FAM107A: variants seen among roughly 807,000 people sequenced by gnomAD.
FAM107A encodes the protein actin-associated protein FAM107A.
A neutral mutation model predicts 13.7 loss-of-function variants in FAM107A; 19 were observed. The observed-to-expected ratio is 1.38, with a 90% CI of 0.97 to 2.03. The LOEUF (loss-of-function observed/expected upper bound fraction) is 2.03. Among genes scored for constraint, FAM107A ranks in the 30% most tolerant of loss-of-function variants. The pLI is 0.00. For synonymous variants in FAM107A, 82 were observed against 74.5 expected, an observed-to-expected ratio of 1.10 and a Z score of -0.52; for missense variants, 203 against 184.4, an observed-to-expected ratio of 1.10 and a Z score of -0.58.
At chr3:58,580,223 T>G (rs1056450355), upstream of FAM107A, among the ~76,000 whole-genome samples, 1 of 151,356 alleles carries the variant, frequency 6.6e-6, no homozygotes, top group Non-Finnish European at 1.5e-5. Flanking sequence ...TAGGATCTCT[T>G]TTTTTTTTCA....
chr3:58,624,616 C>T (rs1292315607), intron 1 of FAM107A, among the ~76,000 whole-genome samples: 2 of 152,214 alleles, frequency 1.3e-5, no homozygotes, highest in South Asian at 4.1e-4. Flanking sequence ...CTCTGGTTGG[C>T]CTTAACCAAC....
chr3:58,602,268 A>G (rs1206823508), intron 1 of FAM107A, among the ~76,000 whole-genome samples: 1 of 152,182 alleles, frequency 6.6e-6, no homozygotes, highest in Non-Finnish European at 1.5e-5. Context: ...ACAATGGGGT[A>G]TTATCTTTCA....
At chr3:58,606,829 AC>A (rs1168066478) in intron 1 of FAM107A, among the ~76,000 whole-genome samples, 1 of 151,932 alleles carries the variant, frequency 6.6e-6, no homozygotes, top group Non-Finnish European at 1.5e-5. Flanking sequence ...CACCCCCAAT[AC>A]CTATTTCTCC....
intron 1 of FAM107A, among the ~76,000 whole-genome samples, chr3:58,583,929 C>G (rs1041526478): frequency 6.6e-5 from 10 of 152,130 alleles, no homozygotes; most frequent in African/African-American, 2.4e-4. Flanking sequence ...GCATGAGTCA[C>G]CCAGTGTTAT....
rs181082932 is a variant in FAM107A at position 58,566,332 on chromosome 3, T to A, written c.*256A>T. The A allele has an allele frequency of 4.2e-5, 20 of 474,412 alleles. No individual in the cohort carries two copies. In the East Asian group the frequency reaches 5.1e-4, roughly 12 times the overall value. The allele number at this position is 474,412 out of a possible 1,614,324, so 29.4% of individuals were successfully genotyped here. ...CAGAGAAAGCTCCTGTGCTGGGCTC[T>A]GAACCCCTTGCAGGGAGGGGTGCAG... On this transcript the variant is annotated 3_prime_UTR_variant, in exon 4 of 4. Transcript: ENST00000360997.
chr3:58,620,442 T>C (rs575570760), intron 1 of FAM107A, among the ~76,000 whole-genome samples: 110 of 152,302 alleles, frequency 7.2e-4, no homozygotes, highest in Non-Finnish European at 1.2e-3. Flanking sequence ...CCTCACCCCA[T>C]ATAGATATTT....
At chr3:58,577,644 A>G, upstream of FAM107A, 2 of 985,424 alleles carry the variant, frequency 2.0e-6, no homozygotes, top group African/African-American at 1.7e-5. The surrounding 1 kb of genome is among the most constrained non-coding windows in gnomAD (Gnocchi z 4.9). Flanking sequence ...AAACACGCCA[A>G]GCTTTGTTCT....
intron 1 of FAM107A, among the ~76,000 whole-genome samples, chr3:58,622,236 C>T (rs1409657260): frequency 4.6e-5 from 7 of 152,030 alleles, no homozygotes; most frequent in African/African-American, 7.3e-5. Context: ...GTCAGGAGTT[C>T]GAGACCAGCC....
intron 1 of FAM107A, among the ~76,000 whole-genome samples, chr3:58,572,169 T>C (rs1432869489): frequency 6.6e-6 from 1 of 151,466 alleles, no homozygotes; most frequent in Non-Finnish European, 1.5e-5. Flanking sequence ...ATAAAAATAG[T>C]CATGCATTCC....
upstream of FAM107A, among the ~76,000 whole-genome samples, chr3:58,591,645 T>C (rs1175510598): frequency 6.6e-6 from 1 of 152,212 alleles, no homozygotes; most frequent in Non-Finnish European, 1.5e-5. This position sits in a 1 kb window ranked among gnomAD's most constrained non-coding sequence, Gnocchi z 4.3. Flanking sequence ...TCTCATCCTT[T>C]AGGTCTTGGC....
chr3:58,597,359 A>G (rs1459116176), intron 1 of FAM107A, among the ~76,000 whole-genome samples: 1 of 152,222 alleles, frequency 6.6e-6, no homozygotes. Flanking sequence ...CCCATACACA[A>G]TGCTTTGGAT....
At chr3:58,591,105 G>A (rs76472499), upstream of FAM107A, among the ~76,000 whole-genome samples, 3,015 of 152,272 alleles carry the variant, frequency 0.02, 46 homozygotes, top group Non-Finnish European at 0.027. The surrounding 1 kb of genome is among the most constrained non-coding windows in gnomAD (Gnocchi z 4.3). Context: ...TTCTTGCAGC[G>A]TTCACGTTCA....
intron 1 of FAM107A, among the ~76,000 whole-genome samples, chr3:58,576,358 A>T (rs2063730678): frequency 6.6e-6 from 1 of 152,248 alleles, no homozygotes; most frequent in South Asian, 2.1e-4. Context: ...GACATGGAGG[A>T]TACTTAGCAA....
chr3:58,579,712 C>T (rs1164083824), upstream of FAM107A, among the ~76,000 whole-genome samples: 2 of 152,196 alleles, frequency 1.3e-5, no homozygotes, highest in Non-Finnish European at 2.9e-5. Context: ...CTTCTGACAG[C>T]TCCTGCTCAT....
chr3:58,616,999 C>T (rs552577295), intron 1 of FAM107A, among the ~76,000 whole-genome samples: 89 of 152,272 alleles, frequency 5.8e-4, no homozygotes, highest in African/African-American at 2.0e-3. Flanking sequence ...GTCTCAATCT[C>T]TTGACCTTGT....
intron 3 of FAM107A, 26 bp from the exon 4 acceptor site, chr3:58,566,721 A>C (rs1217658242): frequency 1.9e-6 from 3 of 1,556,164 alleles, no homozygotes. Flanking sequence ...GCAGAGAGTG[A>C]AGTGGGTGGA....
intron 1 of FAM107A, among the ~76,000 whole-genome samples, chr3:58,616,562 CACA>C (rs895190841): frequency 1.8e-4 from 27 of 150,596 alleles, no homozygotes; most frequent in African/African-American, 5.9e-4. Context: ...CACACACACA[CACA>C]CACCACCACT....
At chr3:58,576,962 T>C (rs548438962) in intron 1 of FAM107A, among the ~76,000 whole-genome samples, 28 of 152,380 alleles carry the variant, frequency 1.8e-4, no homozygotes, top group Non-Finnish European at 3.5e-4. Context: ...TCTGTTGTGC[T>C]GAGAATTAAA....
intron 1 of FAM107A, chr3:58,627,312 G>A: frequency 2.4e-6 from 1 of 409,138 alleles, no homozygotes; most frequent in Non-Finnish European, 4.4e-6. Flanking sequence ...GAGGCAGCTG[G>A]GAAATGAGGG....
Sources: gnomAD v4.1 joint callset for allele counts (sites outside exome capture counted in the v4.1 genomes callset) on GRCh38, gnomAD v4.1.1 for gene constraint, Gnocchi (gnomAD v3.1) non-coding constraint, MANE v1.5 for transcripts, NCBI Gene and HGNC (gene_info 2026-07-23, HGNC 2026-07-21) for gene names.